The following IL1RAPL2 variants were observed in gnomAD, a reference collection of about 807,000 sequenced individuals.
The protein encoded by IL1RAPL2 is interleukin 1 receptor accessory protein like 2.
Under a neutral mutation model 44.1 loss-of-function variants are expected in IL1RAPL2, and 3 were observed. That is an observed-to-expected ratio of 0.07 (90% CI 0.03 to 0.18). The LOEUF is 0.18. Ranked by LOEUF, IL1RAPL2 falls within the 10% of genes least tolerant of loss-of-function variation. IL1RAPL2 has a pLI of 1.00. For synonymous variants in IL1RAPL2, 181 were observed against 178.8 expected (o/e 1.01, Z -0.10); for missense variants, 391 against 496.4 (o/e 0.79, Z 2.02).
At chrX:104,568,269 A>T (rs892611154) in intron 1 of IL1RAPL2, among the ~76,000 whole-genome samples, 17 of 110,590 alleles carry the variant, frequency 1.5e-4, no homozygotes, top group Non-Finnish European at 2.6e-4. Flanking sequence ...CTGGGAACAG[A>T]CCCCAAGGAA....
intron 5 of IL1RAPL2, among the ~76,000 whole-genome samples, chrX:105,271,593 A>T (rs1471349741): frequency 9.0e-6 from 1 of 111,024 alleles, no homozygotes; most frequent in Non-Finnish European, 1.9e-5. Flanking sequence ...GTCTCTAGGG[A>T]TAAGAAGAGA....
intron 2 of IL1RAPL2, among the ~76,000 whole-genome samples, chrX:104,802,120 G>A (rs183979884): frequency 1.8e-5 from 2 of 110,561 alleles, no homozygotes; most frequent in African/African-American, 3.3e-5. Flanking sequence ...TGAGGCAGGC[G>A]GATCACCTGA....
At position 105,437,293 on chromosome X, in the gene IL1RAPL2, A is replaced by G. The variant is rs771563168; in HGVS notation, c.698-47020A>G. ...TTACTTCTTTTTTATTCTTATTAAT[A>G]TCAAATACAGGTAAACCAGACTTTA... is the stretch of plus-strand genomic sequence containing the variant. On this transcript the variant is annotated intron_variant, in intron 5 of 10. Coordinates refer to ENST00000372582, the MANE Select transcript of IL1RAPL2 (RefSeq NM_017416.2). Among the ~76,000 whole-genome samples, 10 of 110,360 alleles carry G rather than the reference A, an allele frequency of 9.1e-5. No homozygotes were observed. The South Asian group carries it at 3.8e-3, about 42-fold the overall frequency.
intron 2 of IL1RAPL2, among the ~76,000 whole-genome samples, chrX:105,141,424 C>A (rs1396818697): frequency 4.5e-5 from 5 of 110,678 alleles, no homozygotes; most frequent in Non-Finnish European, 9.4e-5. Context: ...CTTAAATTTG[C>A]AACTCAAAAA....
intron 5 of IL1RAPL2, among the ~76,000 whole-genome samples, chrX:105,357,825 A>G (rs996832053): frequency 9.1e-6 from 1 of 109,664 alleles, no homozygotes; most frequent in Non-Finnish European, 1.9e-5. Flanking sequence ...CACACAAGGT[A>G]TACATATACT....
intron 6 of IL1RAPL2, among the ~76,000 whole-genome samples, chrX:105,670,142 T>TATAA (rs1556379307): frequency 5.7e-5 from 3 of 52,975 alleles, no homozygotes; most frequent in Admixed American, 1.8e-4. Flanking sequence ...TATATATATA[T>TATAA]ATATATCTCC....
At chrX:105,632,601 G>GGAAATGATTT (rs1253617204) in intron 6 of IL1RAPL2, among the ~76,000 whole-genome samples, 1 of 111,273 alleles carries the variant, frequency 9.0e-6, no homozygotes, top group Non-Finnish European at 1.9e-5. Flanking sequence ...CTCACTTTTG[G>GGAAATGATTT]GAAATGATTT....
intron 2 of IL1RAPL2, among the ~76,000 whole-genome samples, chrX:104,761,912 C>G (rs1370919359): frequency 4.7e-5 from 2 of 42,585 alleles, no homozygotes; most frequent in Non-Finnish European, 7.6e-5. Context: ...TCTCCTTCTC[C>G]TTCTCCTTCT....
intron 2 of IL1RAPL2, among the ~76,000 whole-genome samples, chrX:104,917,203 C>G: frequency 9.0e-6 from 1 of 111,182 alleles, no homozygotes; most frequent in Non-Finnish European, 1.9e-5. Context: ...TGGTCCTGGA[C>G]TTTTTTTGGT....
intron 2 of IL1RAPL2, among the ~76,000 whole-genome samples, chrX:105,158,779 A>G (rs1236412599): frequency 1.8e-5 from 2 of 111,929 alleles, no homozygotes; most frequent in African/African-American, 6.5e-5. Context: ...GTCACATAAC[A>G]TATGGGTTCT....
At position 105,710,933 on chromosome X, in the gene IL1RAPL2, C is replaced by T. The variant is rs1330281907; in HGVS notation, c.773-6434C>T. On this transcript the variant is annotated intron_variant, in intron 6 of 10. Transcript: ENST00000372582. ...CTTGTGATTAAATTACACTGATATA[C>T]ATATAAATATATATATATATTTATA... Among the ~76,000 whole-genome samples the T allele has an allele frequency of 4.8e-5, 5 of 104,567 alleles. No homozygotes were observed. The Admixed American group carries it at 5.2e-4, about 11-fold the overall frequency. The allele number at this position is 104,567 out of a possible 115,157, so 90.8% of individuals were successfully genotyped here.
intron 2 of IL1RAPL2, among the ~76,000 whole-genome samples, chrX:105,096,830 A>T (rs2032609245): frequency 8.9e-6 from 1 of 112,332 alleles, no homozygotes; most frequent in African/African-American, 3.2e-5. Flanking sequence ...TTAAACATAC[A>T]AATTTTATGT....
chrX:104,790,062 ACT>A (rs1275757629), intron 2 of IL1RAPL2, among the ~76,000 whole-genome samples: 7 of 112,152 alleles, frequency 6.2e-5, no homozygotes, highest in Non-Finnish European at 9.4e-5. Context: ...GGAAGCTGGC[ACT>A]CTGCAGAATT....
intron 6 of IL1RAPL2, among the ~76,000 whole-genome samples, chrX:105,688,996 G>A (rs1004701942): frequency 8.9e-6 from 1 of 111,843 alleles, no homozygotes; most frequent in Non-Finnish European, 1.9e-5. Context: ...GTAATAAATG[G>A]TGCTGGGAAA....
At chrX:104,573,867 GAT>G (rs1321614248) in intron 1 of IL1RAPL2, among the ~76,000 whole-genome samples, 2 of 111,518 alleles carry the variant, frequency 1.8e-5, no homozygotes, top group Non-Finnish European at 1.9e-5. Flanking sequence ...TGAGGGAAAA[GAT>G]AGATTTTTCA....
intron 2 of IL1RAPL2, among the ~76,000 whole-genome samples, chrX:105,094,413 T>C (rs1344195967): frequency 8.9e-6 from 1 of 111,900 alleles, no homozygotes; most frequent in Non-Finnish European, 1.9e-5. Context: ...GATGTATATG[T>C]ATAAAAATAT....
At chrX:105,588,955 G>A (rs1224148223) in intron 6 of IL1RAPL2, among the ~76,000 whole-genome samples, 1 of 111,732 alleles carries the variant, frequency 8.9e-6, no homozygotes, top group African/African-American at 3.3e-5. Context: ...AGTTCTTTGA[G>A]ATATCACAAA....
chrX:105,728,386 T>C (rs1032367961), intron 7 of IL1RAPL2, among the ~76,000 whole-genome samples: 6 of 111,807 alleles, frequency 5.4e-5, no homozygotes, highest in Admixed American at 1.9e-4. Context: ...ATTTATTCAA[T>C]GTGCCTTTAC....
At chrX:105,199,797 T>A (rs998691292) in intron 3 of IL1RAPL2, among the ~76,000 whole-genome samples, 1 of 112,432 alleles carries the variant, frequency 8.9e-6, no homozygotes, top group Non-Finnish European at 1.9e-5. Context: ...TTGGGACTGA[T>A]AGAGATAGGT....
Sources: gnomAD v4.1 joint callset for allele counts (sites outside exome capture counted in the v4.1 genomes callset) on GRCh38, gnomAD v4.1.1 for gene constraint, MANE v1.5 for transcripts, NCBI Gene and HGNC (gene_info 2026-07-23, HGNC 2026-07-21) for gene names.